Variants in MMP25 observed in about 807,000 individuals in gnomAD.
The protein encoded by MMP25 is matrix metalloproteinase-25.
Under a neutral mutation model 62.1 loss-of-function variants are expected in MMP25, and 68 were observed. That is an observed-to-expected ratio of 1.10 (90% confidence interval 0.90 to 1.34). MMP25 has a LOEUF of 1.34. Among genes scored for constraint, MMP25 ranks in the 40% most tolerant of loss-of-function variants. The pLI is 0.00. For missense variants in MMP25, 942 were observed against 792.5 expected (o/e 1.19, Z -2.26); for synonymous variants, 407 against 345.6 (o/e 1.18, Z -1.97).
intron 2 of MMP25, 67 bp from the exon 3 acceptor site, chr16:3,049,942 T>C (rs1955873793): frequency 1.3e-6 from 2 of 1,595,642 alleles, no homozygotes; most frequent in East Asian, 4.5e-5. Flanking sequence ...GAAAGTTGAC[T>C]GGTGCTATGA....
At chr16:3,047,127 G>GTCACTCTTTGGAT in intron 1 of MMP25, 111 bp downstream of exon 1, 2 of 1,226,654 alleles carry the variant, frequency 1.6e-6, no homozygotes, top group Non-Finnish European at 2.2e-6. Flanking sequence ...AATATCCAAA[G>GTCACTCTTTGGAT]AGTGACTGAG....
rs559810098 is a variant in MMP25 at position 3,050,717 on chromosome 16, A to G, written c.661+171A>G. On this transcript the variant is annotated intron_variant, in intron 4 of 9. Coordinates refer to ENST00000336577, the MANE Select transcript of MMP25 (RefSeq NM_022468.5). ...CAACCACGAACTTCTGGCTCAAGCA[A>G]TCCTCCCACCTCAGACTCCAGAGTA... Among the ~76,000 whole-genome samples the G allele has an allele frequency of 3.9e-5, 6 of 152,194 alleles. No homozygotes were observed. In the South Asian group the frequency reaches 1.0e-3, roughly 26 times the overall value.
At position 3,058,419 on chromosome 16, in the gene MMP25, G is replaced by T; in HGVS notation, c.1167G>T (p.Gln389His). The change falls in exon 9 of 10, where the codon CAG (glutamine) becomes CAT (histidine). Residue 389 changes from glutamine (Q) to histidine (H), a missense_variant. Gln to His is a conservative substitution (Grantham distance 24). Transcript: ENST00000336577. ...DGRILLFSGPQFWVFQDRQLE... is the reference protein window; with the variant it reads ...DGRILLFSGPHFWVFQDRQLE... Reference sequence around the variant, plus strand: ...CCGGCCTCCACCCTGCAGGGCCCCAGTTCTGGGTGTTCCAGGACCGGCAGC... The same window carrying T: ...CCGGCCTCCACCCTGCAGGGCCCCATTTCTGGGTGTTCCAGGACCGGCAGC... The T allele has an allele frequency of 1.3e-6, 2 of 1,565,524 alleles. No homozygotes were observed. The highest frequency in any genetic ancestry group is 1.4e-5 in the African/African-American group (1 of 73,808).
intron 7 of MMP25, chr16:3,057,941 G>T: frequency 1.7e-6 from 1 of 580,710 alleles, no homozygotes; most frequent in South Asian, 2.2e-5. Flanking sequence ...TGGCTCAGGT[G>T]ATTCTCCGGT....
rs1955836055 is a variant in MMP25 at position 3,047,421 on chromosome 16, C to G, written c.106C>G (p.Leu36Val). Reference sequence around the variant, plus strand: ...GCCCCCTCCGATGCCCTAGGACTGGCTGACTCGCTATGGTTACCTGCCGCC... The same window carrying G: ...GCCCCCTCCGATGCCCTAGGACTGGGTGACTCGCTATGGTTACCTGCCGCC... ...AQDVSLGVDW[L>V]TRYGYLPPPH... Residue 36 changes from leucine to valine, a missense_variant, in exon 2 of 10, where the codon CTG becomes GTG. Leu to Val is a conservative substitution (Grantham distance 32). Coordinates refer to ENST00000336577, the MANE Select transcript of MMP25 (RefSeq NM_022468.5). 1.2e-6 allele frequency: 2 copies of G among 1,612,976 alleles called. No homozygotes were observed. The highest frequency in any genetic ancestry group is 8.5e-7 in the Non-Finnish European group (1 of 1,179,536).
chr16:3,057,130 C>T lies in MMP25; in HGVS notation c.759C>T (p.Pro253=). 6 of 1,613,556 alleles carry T rather than the reference C, an allele frequency of 3.7e-6. No individual in the cohort carries two copies. The highest frequency in any genetic ancestry group is 5.1e-6 in the Non-Finnish European group (6 of 1,179,816). ...CAGCCCCCAACTCCATTATGAGGCC[C>T]TTCTACCAGGGTCCGGTGGGCGACC... The part of the protein sequence containing the change: ...HSSAPNSIMR[P]FYQGPVGDPD... The change falls in exon 5 of 10, where the codon CCC becomes CCT. Residue 253 remains proline, a synonymous_variant. Coordinates refer to ENST00000336577, the MANE Select transcript of MMP25 (RefSeq NM_022468.5).
rs374014120 is a variant in MMP25 at position 3,050,443 on chromosome 16, C to A, written c.558C>A (p.Asp186Glu). ...RAFHQDSYPF[D>E]GLGGTLAHAF... ...TCCACCAGGACAGCTACCCCTTCGA[C>A]GGGTTGGGGGGCACCCTAGCCCATG... The change falls in exon 4 of 10, where the codon GAC becomes GAA. Residue 186 changes from aspartate (D) to glutamate (E), a missense_variant. Transcript: ENST00000336577. 2 of 1,613,860 alleles carry A rather than the reference C, an allele frequency of 1.2e-6. No individual in the cohort carries two copies.
chr16:3,049,855 G>T, intron 2 of MMP25, 154 bp from the exon 3 acceptor site: 1 of 1,110,332 alleles, frequency 9.0e-7, no homozygotes, highest in Non-Finnish European at 1.3e-6. Flanking sequence ...GAGACAGACT[G>T]CCTGGGTTCA....
rs775245523 is a variant in MMP25 at position 3,058,636 on chromosome 16, C to A, written c.1384C>A (p.Pro462Thr). Residue 462 changes from proline to threonine, a missense_variant, in exon 9 of 10, where the codon CCC becomes ACC. By Grantham distance (38) the Pro-to-Thr change is conservative (BLOSUM62 -1). Coordinates refer to ENST00000336577, the MANE Select transcript of MMP25 (RefSeq NM_022468.5). ...RDLSLWEGAPPSPDDVTVSNA... is the reference protein window; with the variant it reads ...RDLSLWEGAPTSPDDVTVSNA... ...CCTGAGCCTCTGGGAAGGCGCGCCC[C>A]CCTCCCCTGACGATGTCACCGTCAG... 6.2e-7 allele frequency: 1 copy of A among 1,605,306 alleles called. No homozygotes were observed. Among genetic ancestry groups the A allele is most frequent in the Non-Finnish European group, 8.5e-7 (1 of 1,176,644 alleles).
Position 3,059,490 on chromosome 16 carries a change from C to T in MMP25, c.*392C>T, listed in dbSNP as rs543725963. On this transcript the variant is annotated 3_prime_UTR_variant, in exon 10 of 10. Coordinates refer to ENST00000336577, the MANE Select transcript of MMP25 (RefSeq NM_022468.5). Reference sequence around the variant, plus strand: ...GGGCCCGCGGCCTCACCCGGAGGGACGGCAGCCCCGGTCGCGCGCTGGCCC... The same window carrying T: ...GGGCCCGCGGCCTCACCCGGAGGGATGGCAGCCCCGGTCGCGCGCTGGCCC... 3.3e-4 allele frequency: 58 copies of T among 178,250 alleles called. 1 individual carries two copies. In the East Asian group the frequency reaches 7.9e-3, roughly 24 times the overall value. 11.0% of individuals were successfully genotyped at this position (178,250 alleles called of 1,614,324 possible).
rs1320552699 is a variant in MMP25 at position 3,058,472 on chromosome 16, A to T, written c.1220A>T (p.Glu407Val). ...QLEGGARPLTELGLPPGEEVD... is the reference protein window; with the variant it reads ...QLEGGARPLTVLGLPPGEEVD... ...GAGGGCGGGGCGCGGCCGCTCACGG[A>T]GCTGGGGCTGCCCCCGGGAGAGGAG... Residue 407 changes from glutamate to valine, a missense_variant, in exon 9 of 10, where the codon GAG becomes GTG. Physicochemically the swap from Glu to Val is moderately radical, Grantham distance 121. Transcript: ENST00000336577. 1.9e-6 allele frequency: 3 copies of T among 1,604,748 alleles called. No individual in the cohort carries two copies. The highest frequency in any genetic ancestry group is 2.5e-6 in the Non-Finnish European group (3 of 1,176,894).
rs1251529038 is a variant in MMP25 at position 3,058,686 on chromosome 16, C to A, written c.1417+17C>A. Reference sequence around the variant, plus strand: ...GCAACGCAGGTGGGGAGCGCGGTGACCTGCGGGTTACTGGGCCTGGGGGTG... The same window carrying A: ...GCAACGCAGGTGGGGAGCGCGGTGAACTGCGGGTTACTGGGCCTGGGGGTG... On this transcript the variant is annotated intron_variant, in intron 9 of 9. Transcript: ENST00000336577. 1.9e-6 allele frequency: 3 copies of A among 1,585,508 alleles called. No individual in the cohort carries two copies. The highest frequency in any genetic ancestry group is 1.1e-5 in the South Asian group (1 of 87,920).
At chr16:3,047,072 C>T (rs1055366073) in intron 1 of MMP25, 56 bp downstream of exon 1, 235 of 1,382,706 alleles carry the variant, frequency 1.7e-4, no homozygotes, top group Middle Eastern at 2.3e-4. Flanking sequence ...GAGAGGGAAG[C>T]CGGGCCCGGA....
intron 1 of MMP25, 126 bp from the exon 2 acceptor site, chr16:3,047,289 G>T: frequency 7.2e-7 from 1 of 1,396,730 alleles, no homozygotes. Context: ...GGAGCAGGCA[G>T]GCATCCGGGG....
chr16:3,054,598 A>G (rs961695380), intron 4 of MMP25: 2 of 151,950 alleles, frequency 1.3e-5, no homozygotes, highest in African/African-American at 2.5e-5. Flanking sequence ...GGATGGATGG[A>G]CAGATGCATG....
chr16:3,056,856 G>C, intron 4 of MMP25, 177 bp from the exon 5 acceptor site: 2 of 593,456 alleles, frequency 3.4e-6, no homozygotes, highest in Non-Finnish European at 5.8e-6. Flanking sequence ...CATGCTGACT[G>C]AGTGACTGGA....
chr16:3,049,770 G>A (rs111862918), intron 2 of MMP25, among the ~76,000 whole-genome samples: 3 of 152,336 alleles, frequency 2.0e-5, no homozygotes, highest in East Asian at 3.9e-4. Flanking sequence ...TCACCTGCAT[G>A]CAGCCAGTTT....
At chr16:3,057,456 A>G (rs1230799450) in intron 6 of MMP25, 62 bp downstream of exon 6, 1 of 1,597,054 alleles carries the variant, frequency 6.3e-7, no homozygotes, top group African/African-American at 1.3e-5. Flanking sequence ...GTGTCCTCTG[A>G]GATGGGGATG....
rs1341746724 is a variant in MMP25, at chr16:3,057,554, G to T, written c.947G>T (p.Arg316Leu). 6.2e-7 allele frequency: 1 copy of T among 1,613,960 alleles called. No individual in the cohort carries two copies. Among genetic ancestry groups the T allele is most frequent in the Non-Finnish European group, 8.5e-7 (1 of 1,180,000 alleles). Residue 316 changes from arginine to leucine, a missense_variant, in exon 7 of 10, where the codon CGA becomes CTA. Physicochemically the swap from Arg to Leu is moderately radical, Grantham distance 102. Coordinates refer to ENST00000336577, the MANE Select transcript of MMP25 (RefSeq NM_022468.5). ...AGCCCATCCTTCCCCATCCCTGATC[G>T]ATGTGAGGGCAATTTTGACGCCATC... ...THSPSFPIPD[R>L]CEGNFDAIAN...
Sources: allele counts gnomAD v4.1 joint callset (sites outside exome capture counted in the v4.1 genomes callset), GRCh38; gene constraint gnomAD v4.1.1; transcripts MANE v1.5; gene names NCBI Gene and HGNC (gene_info 2026-07-23, HGNC 2026-07-21).